The following SLC35F3 variants were observed in gnomAD, a reference collection of about 807,000 sequenced individuals.
SLC35F3 encodes putative thiamine transporter SLC35F3.
In SLC35F3, 25 loss-of-function variants were observed where a neutral mutation model predicts 49.9. The ratio of observed to expected loss-of-function variants is 0.50; its 90% confidence interval spans 0.37 to 0.70. SLC35F3 has a LOEUF of 0.70. Ranked by LOEUF, SLC35F3 falls within the 30% of genes least tolerant of loss-of-function variation. SLC35F3 has a pLI of 0.00. For synonymous variants in SLC35F3, 275 were observed against 265.4 expected (o/e 1.04, Z -0.35); for missense variants, 525 against 639.8 (o/e 0.82, Z 1.94).
intron 3 of SLC35F3, among the ~76,000 whole-genome samples, chr1:234,253,814 G>A (rs915538226): frequency 1.3e-5 from 2 of 152,196 alleles, no homozygotes; most frequent in Non-Finnish European, 2.9e-5. Flanking sequence ...AATAAGCCTT[G>A]AACAATGTCA....
chr1:233,998,581 T>TA (rs140580095), intron 2 of SLC35F3, among the ~76,000 whole-genome samples: 1,898 of 151,206 alleles, frequency 0.013, 19 homozygotes, highest in Non-Finnish European at 0.021. Context: ...TACGAGATTA[T>TA]AAAAAAGCCC....
intron 2 of SLC35F3, among the ~76,000 whole-genome samples, chr1:234,057,962 T>C (rs893730836): frequency 6.6e-6 from 1 of 152,092 alleles, no homozygotes; most frequent in Non-Finnish European, 1.5e-5. Flanking sequence ...CCGCCTCAGC[T>C]ACCCAAAGGG....
rs757667315 is a variant in SLC35F3 at position 234,285,439 on chromosome 1, C to T, written c.609-23662C>T. 56 of 429,796 alleles carry T rather than the reference C, an allele frequency of 1.3e-4. 1 individual carries two copies. Among genetic ancestry groups the T allele is most frequent in the Non-Finnish European group, 1.2e-4 (26 of 216,484 alleles). 26.6% of individuals were successfully genotyped at this position (429,796 alleles called of 1,614,324 possible). ...GACGTTGAGCTTGTTTCCAGCTCAG[C>T]AGGTCTGATTCAGCAAGTTGCAACA... On this transcript the variant is annotated intron_variant, in intron 3 of 7. Coordinates refer to ENST00000366618, the MANE Select transcript of SLC35F3 (RefSeq NM_173508.4).
intron 2 of SLC35F3, among the ~76,000 whole-genome samples, chr1:234,210,050 G>A (rs1042818914): frequency 6.6e-6 from 1 of 152,064 alleles, no homozygotes; most frequent in African/African-American, 2.4e-5. Context: ...GAATCATGGG[G>A]GCAGGTCTTT....
intron 2 of SLC35F3, among the ~76,000 whole-genome samples, chr1:234,133,783 C>A (rs116352728): frequency 0.014 from 2,195 of 152,270 alleles, 48 homozygotes; most frequent in African/African-American, 0.049. Context: ...CTAAAACTAG[C>A]GGCTTAATTA....
rs558921563 is a variant in SLC35F3 at position 234,219,490 on chromosome 1, A to G, written c.284-11927A>G. ...GGGAGGATTCTAAGAGGAGTGAAAC[A>G]TAATCCTTGATCCAACAGAGCTTCC... On this transcript the variant is annotated intron_variant, in intron 2 of 7. Transcript: ENST00000366618. Among the ~76,000 whole-genome samples the G allele has an allele frequency of 1.1e-4, 16 of 152,378 alleles. No homozygotes were observed. The South Asian group carries it at 3.3e-3, about 32-fold the overall frequency.
intron 2 of SLC35F3, among the ~76,000 whole-genome samples, chr1:234,016,789 G>T (rs1337046596): frequency 6.6e-6 from 1 of 152,208 alleles, no homozygotes; most frequent in East Asian, 1.9e-4. Flanking sequence ...TCACTAGTCT[G>T]CCAAGTAGTC....
chr1:234,107,326 G>A (rs1433004248), intron 2 of SLC35F3, among the ~76,000 whole-genome samples: 2 of 152,194 alleles, frequency 1.3e-5, no homozygotes, highest in African/African-American at 4.8e-5. Flanking sequence ...GTGACAAAAG[G>A]TGTGGCTGTA....
At chr1:234,295,009 G>T (rs1311801467) in intron 3 of SLC35F3, among the ~76,000 whole-genome samples, 26 of 152,226 alleles carry the variant, frequency 1.7e-4, no homozygotes, top group Non-Finnish European at 2.9e-5. Flanking sequence ...TGAAGCCCAC[G>T]GGGCCTGAGG....
intron 2 of SLC35F3, among the ~76,000 whole-genome samples, chr1:234,104,547 T>C (rs12566631): frequency 0.14 from 21,207 of 152,186 alleles, 3,227 homozygotes; most frequent in East Asian, 0.81. Flanking sequence ...GCTATAATGC[T>C]TTTTCTTGAA....
intron 2 of SLC35F3, among the ~76,000 whole-genome samples, chr1:234,068,284 C>T (rs148352490): frequency 1.3e-5 from 2 of 152,310 alleles, no homozygotes; most frequent in African/African-American, 2.4e-5. Context: ...ATAGTGAATG[C>T]ACTCTGTCCC....
intron 3 of SLC35F3, among the ~76,000 whole-genome samples, chr1:234,282,452 C>A (rs1439802896): frequency 6.6e-6 from 1 of 152,232 alleles, no homozygotes; most frequent in Non-Finnish European, 1.5e-5. Flanking sequence ...CAGTCCAGAG[C>A]AGGGCCTTCC....
intron 2 of SLC35F3, among the ~76,000 whole-genome samples, chr1:234,224,798 C>T (rs1667261518): frequency 6.6e-6 from 1 of 152,318 alleles, no homozygotes; most frequent in Admixed American, 6.5e-5. Context: ...GAGAAATAAC[C>T]TTACTGATCT....
intron 2 of SLC35F3, among the ~76,000 whole-genome samples, chr1:234,094,865 T>C (rs147806243): frequency 1.3e-3 from 193 of 152,326 alleles, no homozygotes; most frequent in African/African-American, 4.4e-3. Flanking sequence ...TGCCTATCTC[T>C]GTCTAGTACA....
intron 2 of SLC35F3, among the ~76,000 whole-genome samples, chr1:234,132,077 G>A (rs958368617): frequency 6.6e-6 from 1 of 152,066 alleles, no homozygotes. Context: ...TAGGAGGTTT[G>A]GAACATCTCT....
At chr1:234,219,188 G>A (rs1351814068) in intron 2 of SLC35F3, among the ~76,000 whole-genome samples, 1 of 152,064 alleles carries the variant, frequency 6.6e-6, no homozygotes, top group East Asian at 1.9e-4. Context: ...GGGAGTGTTG[G>A]GTGATCTCAG....
intron 3 of SLC35F3, among the ~76,000 whole-genome samples, chr1:234,266,875 T>TTTG (rs1553259677): frequency 3.6e-5 from 5 of 139,182 alleles, no homozygotes; most frequent in Non-Finnish European, 6.1e-5. Flanking sequence ...AGCACATGGT[T>TTTG]TTTTTTTTTT....
intron 2 of SLC35F3, among the ~76,000 whole-genome samples, chr1:234,087,644 G>A (rs758240843): frequency 2.0e-4 from 30 of 152,080 alleles, no homozygotes; most frequent in Non-Finnish European, 3.8e-4. Context: ...GCCTTTCAAA[G>A]CATAAAACAA....
At chr1:234,116,342 A>T (rs1287182110) in intron 2 of SLC35F3, among the ~76,000 whole-genome samples, 1 of 152,168 alleles carries the variant, frequency 6.6e-6, no homozygotes, top group Non-Finnish European at 1.5e-5. Context: ...AGGGCTTTAG[A>T]AGCTGTGTGC....
Sources: allele counts gnomAD v4.1 joint callset (sites outside exome capture counted in the v4.1 genomes callset), GRCh38; gene constraint gnomAD v4.1.1; transcripts MANE v1.5; gene names NCBI Gene and HGNC (gene_info 2026-07-23, HGNC 2026-07-21).